The following INSR variants were observed in gnomAD, a reference collection of about 807,000 sequenced individuals.
INSR encodes the protein IR.
INSR carries 67 observed loss-of-function variants against 142.6 expected under a neutral mutation model. The observed-to-expected ratio is 0.47, with a 90% CI of 0.39 to 0.58. The LOEUF (loss-of-function observed/expected upper bound fraction) is 0.58. Ranked by LOEUF, INSR falls within the 20% of genes least tolerant of loss-of-function variation. INSR has a pLI of 0.00. For missense variants in INSR, 1,248 were observed against 1,833.2 expected, an observed-to-expected ratio of 0.68 and a Z score of 5.83; for synonymous variants, 756 against 743.1, an observed-to-expected ratio of 1.02 and a Z score of -0.28.
At chr19:7,215,164 G>A (rs1402189279) in intron 2 of INSR, among the ~76,000 whole-genome samples, 1 of 152,028 alleles carries the variant, frequency 6.6e-6, no homozygotes, top group Non-Finnish European at 1.5e-5. Context: ...GCAAAGAAGT[G>A]GAAGAACTAG....
chr19:7,196,431 G>A (rs899282799), intron 2 of INSR, among the ~76,000 whole-genome samples: 1 of 151,838 alleles, frequency 6.6e-6, no homozygotes, highest in Non-Finnish European at 1.5e-5. Flanking sequence ...CAATTTTTCC[G>A]TAAGCTTGAA....
At chr19:7,250,170 G>T (rs985662801) in intron 2 of INSR, among the ~76,000 whole-genome samples, 7 of 144,448 alleles carry the variant, frequency 4.8e-5, no homozygotes, top group African/African-American at 1.5e-4. Context: ...AGAAAAGAAA[G>T]AAAGAAAAGA....
intron 2 of INSR, among the ~76,000 whole-genome samples, chr19:7,197,577 GGTGTGTGT>G (rs113829911): frequency 1.8e-5 from 1 of 56,048 alleles, no homozygotes; most frequent in Non-Finnish European, 3.8e-5. Context: ...TGTGTGTTTG[GGTGTGTGT>G]GTGTGTGTGT....
At position 7,119,897 on chromosome 19, in the gene INSR, TACACACACAA is replaced by T. The variant is rs1972446004; in HGVS notation, c.3660-324_3660-315del. ...ACACAAACACACATATGCACACACA[TACACACACAA>T]ACACACACACAAACACATCTCTTGG... On this transcript the variant is annotated intron_variant, in intron 20 of 21. Transcript: ENST00000302850. The surrounding 1 kb of genome is among the most constrained non-coding windows in gnomAD (Gnocchi z 5.2). 6.6e-6 allele frequency among the ~76,000 whole-genome samples: 1 copy of T among 151,152 alleles called. No homozygotes were observed. The highest frequency in any genetic ancestry group is 1.5e-5 in the Non-Finnish European group (1 of 67,800).
chr19:7,130,462 A>T (rs1170179467), intron 14 of INSR, among the ~76,000 whole-genome samples: 1 of 152,182 alleles, frequency 6.6e-6, no homozygotes, highest in Non-Finnish European at 1.5e-5. Context: ...CCAATGTTGG[A>T]GGAGTGGCCG....
At chr19:7,270,915 A>G (rs1967906901) in intron 1 of INSR, among the ~76,000 whole-genome samples, 1 of 151,858 alleles carries the variant, frequency 6.6e-6, no homozygotes, top group Non-Finnish European at 1.5e-5. Context: ...CAAAAAAATT[A>G]GCCAGGCGTG....
chr19:7,250,320 A>G (rs1169148660), intron 2 of INSR, among the ~76,000 whole-genome samples: 1 of 148,950 alleles, frequency 6.7e-6, no homozygotes. Flanking sequence ...AGAAAAATGA[A>G]AGGAAGAGAG....
chr19:7,174,805 T>A, intron 3 of INSR, 74 bp from the exon 4 acceptor site: 3 of 1,433,014 alleles, frequency 2.1e-6, no homozygotes. Flanking sequence ...CCTTCAGACA[T>A]CTCAGGCATC....
intron 11 of INSR, among the ~76,000 whole-genome samples, chr19:7,149,776 C>T (rs1489496506): frequency 6.7e-6 from 1 of 150,350 alleles, no homozygotes; most frequent in African/African-American, 2.5e-5. Flanking sequence ...GAGCCGAGAT[C>T]GCACCACTGC....
intron 2 of INSR, among the ~76,000 whole-genome samples, chr19:7,198,474 G>C (rs969033602): frequency 1.3e-5 from 2 of 152,298 alleles, no homozygotes; most frequent in African/African-American, 4.8e-5. Context: ...CCACCGGGGT[G>C]GCTTAGGCTG....
At chr19:7,131,181 G>A (rs886653682) in intron 14 of INSR, among the ~76,000 whole-genome samples, 6 of 149,600 alleles carry the variant, frequency 4.0e-5, no homozygotes, top group Admixed American at 4.0e-4. Context: ...TGCCCGGCCA[G>A]GTATTTCTTT....
In INSR at chr19:7,278,274, A is replaced by G. The variant is rs181436380; in HGVS notation, c.101-10378T>C. Reference sequence around the variant, plus strand: ...TGATGAAACCCTCATCATCCAGATCATAGTCCTTCCAGAAACTTATCATGT... The same window carrying G: ...TGATGAAACCCTCATCATCCAGATCGTAGTCCTTCCAGAAACTTATCATGT... On this transcript the variant is annotated intron_variant, in intron 1 of 21. Transcript: ENST00000302850. Among the ~76,000 whole-genome samples, 291 of 152,294 alleles carry G rather than the reference A, an allele frequency of 1.9e-3. 2 individuals are homozygous for G. Among genetic ancestry groups the G allele is most frequent in the African/African-American group, 6.7e-3 (279 of 41,556 alleles).
intron 2 of INSR, among the ~76,000 whole-genome samples, chr19:7,204,655 A>C (rs959816270): frequency 3.3e-4 from 50 of 152,262 alleles, no homozygotes; most frequent in African/African-American, 1.2e-3. Context: ...CAGCCCAGAT[A>C]CCTGGAACTT....
intron 2 of INSR, among the ~76,000 whole-genome samples, chr19:7,232,793 G>A (rs1377601067): frequency 6.6e-6 from 1 of 151,648 alleles, no homozygotes; most frequent in East Asian, 2.0e-4. Context: ...CTGGGCAACA[G>A]TGCAAGACTC....
chr19:7,133,292 G>T (rs1206131259), intron 13 of INSR, among the ~76,000 whole-genome samples: 3 of 151,858 alleles, frequency 2.0e-5, no homozygotes, highest in Non-Finnish European at 4.4e-5. Context: ...AAAAATAATA[G>T]TTGTGTACAC....
At position 7,146,236 on chromosome 19, in the gene INSR, C is replaced by CCTTTTTTTTTTTTTTTTTTTTTTTTTTTT. The variant is rs1424523294; in HGVS notation, c.2268-3147_2268-3146insAAAAAAAAAAAAAAAAAAAAAAAAAAAAG. 1.8e-5 allele frequency among the ~76,000 whole-genome samples: 2 copies of CCTTTTTTTTTTTTTTTTTTTTTTTTTTTT among 110,756 alleles called. 1 individual carries two copies. 72.7% of individuals were successfully genotyped at this position (110,756 alleles called of 152,430 possible). ...TTCAGTGCAGTATCTTTGTCAAGTT[C>CCTTTTTTTTTTTTTTTTTTTTTTTTTTTT]TTTTTTTTTTTTTTTTTTTTTTGAG... On this transcript the variant is annotated intron_variant, in intron 11 of 21. Coordinates refer to ENST00000302850, the MANE Select transcript of INSR (RefSeq NM_000208.4).
At chr19:7,231,069 A>G (rs1458324000) in intron 2 of INSR, among the ~76,000 whole-genome samples, 1 of 152,144 alleles carries the variant, frequency 6.6e-6, no homozygotes, top group Non-Finnish European at 1.5e-5. Context: ...CAGAGCCAGG[A>G]GCCAGGAGCC....
Position 7,141,691 on chromosome 19 carries a change from G to A in INSR, c.2668C>T (p.Arg890Ter), listed in dbSNP as rs1568440846. The change falls in exon 13 of 22, where the codon CGA becomes TGA. Residue 890 changes from arginine (R) to a stop codon, truncating the protein, a stop_gained. Transcript: ENST00000302850. LOFTEE classifies it high-confidence loss of function. Reference sequence around the variant, plus strand: ...AAGGGCCTTACCTCATCACCATATCGCCGATAACTCACTTCATACAGCACG... The same window carrying A: ...AAGGGCCTTACCTCATCACCATATCACCGATAACTCACTTCATACAGCACG... ...LIVLYEVSYR[R>*]YGDEELHLCV... The A allele has an allele frequency of 6.2e-6, 10 of 1,614,028 alleles. No homozygotes were observed. The highest frequency in any genetic ancestry group is 1.7e-5 in the Admixed American group (1 of 59,994).
At chr19:7,270,339 TCA>T (rs1178953100) in intron 1 of INSR, among the ~76,000 whole-genome samples, 18,978 of 119,248 alleles carry the variant, frequency 0.16, 1,680 homozygotes, top group Admixed American at 0.24. Flanking sequence ...TCTCTCTCTC[TCA>T]CACACACACA....
Sources: gnomAD v4.1 joint callset for allele counts (sites outside exome capture counted in the v4.1 genomes callset) on GRCh38, gnomAD v4.1.1 for gene constraint, Gnocchi (gnomAD v3.1) non-coding constraint, MANE v1.5 for transcripts, NCBI Gene and HGNC (gene_info 2026-07-23, HGNC 2026-07-21) for gene names.